Variants in EHMT1 observed in about 807,000 individuals in gnomAD.
EHMT1 encodes histone-lysine N-methyltransferase EHMT1.
In EHMT1, 15 loss-of-function variants were observed where a neutral mutation model predicts 147.2. The ratio of observed to expected loss-of-function variants is 0.10; its 90% CI spans 0.07 to 0.16. EHMT1 has a LOEUF of 0.16. EHMT1 is among the 10% of genes least tolerant of loss of function. The pLI, the probability that EHMT1 is intolerant of heterozygous loss-of-function variation, is 1.00. For synonymous variants in EHMT1, 795 were observed against 709.6 expected (o/e 1.12, Z -1.91); for missense variants, 1,587 against 1,772.4 (o/e 0.90, Z 1.88).
In EHMT1 at chr9:137,835,280, C is replaced by A; in HGVS notation, c.*327C>A. 4.0e-6 allele frequency: 1 copy of A among 248,800 alleles called. No homozygotes were observed. Among genetic ancestry groups the A allele is most frequent in the Non-Finnish European group, 7.5e-6 (1 of 132,482 alleles). The allele number at this position is 248,800 out of a possible 1,614,324, so 15.4% of individuals were successfully genotyped here. On this transcript the variant is annotated 3_prime_UTR_variant, in exon 27 of 27. Transcript: ENST00000460843. ...TTTGTCGTTGCGAAGTTTCTCGTTT[C>A]TTCCTCTGACCTCCGAGGTCCCCGC...
At chr9:137,677,514 C>T (rs962522444) in intron 1 of EHMT1, among the ~76,000 whole-genome samples, 1 of 151,990 alleles carries the variant, frequency 6.6e-6, no homozygotes, top group African/African-American at 2.4e-5. Flanking sequence ...CAAGCTCTGC[C>T]TCCCGGGTTC....
chr9:137,714,026 T>C (rs1271200865), intron 2 of EHMT1, among the ~76,000 whole-genome samples: 1 of 152,256 alleles, frequency 6.6e-6, no homozygotes, highest in East Asian at 1.9e-4. Flanking sequence ...AACTCGTTTA[T>C]TAGTTCTAAT....
chr9:137,817,922 C>A, intron 24 of EHMT1, 138 bp from the exon 25 acceptor site: 1 of 846,106 alleles, frequency 1.2e-6, no homozygotes. Context: ...ACCCTGGGCA[C>A]ACCTCTCTAA....
chr9:137,770,544 G>A (rs541032252), intron 10 of EHMT1, among the ~76,000 whole-genome samples: 2 of 152,338 alleles, frequency 1.3e-5, no homozygotes, highest in African/African-American at 4.8e-5. Context: ...CTGGGGGGAA[G>A]AAGGGGCTGC....
chr9:137,834,288 G>C, intron 25 of EHMT1, 61 bp from the exon 26 acceptor site: 1 of 1,601,808 alleles, frequency 6.2e-7, no homozygotes. Flanking sequence ...GGCCGTACCC[G>C]GCGAGGCCGG....
At chr9:137,781,084 T>C (rs1228139121) in intron 14 of EHMT1, among the ~76,000 whole-genome samples, 1,802 of 44,360 alleles carry the variant, frequency 0.041, 11 homozygotes, top group East Asian at 0.11. Flanking sequence ...TGTGTGGTGA[T>C]GACGCTGGGA....
At chr9:137,629,761 C>G (rs542102176) in intron 1 of EHMT1, among the ~76,000 whole-genome samples, 1 of 152,138 alleles carries the variant, frequency 6.6e-6, no homozygotes, top group Non-Finnish European at 1.5e-5. Flanking sequence ...AACTCCTGAC[C>G]TCAGGTGATC....
intron 1 of EHMT1, among the ~76,000 whole-genome samples, chr9:137,676,695 A>T (rs1191583223): frequency 6.6e-6 from 1 of 152,202 alleles, no homozygotes; most frequent in African/African-American, 2.4e-5. Flanking sequence ...TGGAGTCCGC[A>T]TGAGCAGTGG....
chr9:137,795,413 A>ACACACACACACACACACACACG (rs1554887432), intron 16 of EHMT1, among the ~76,000 whole-genome samples: 30 of 16,800 alleles, frequency 1.8e-3, no homozygotes, highest in Non-Finnish European at 3.1e-3. Context: ...ACACACACAC[A>ACACACACACACACACACACACG]CACACACACA....
chr9:137,619,995 C>T (rs557203742), intron 1 of EHMT1: 1 of 152,096 alleles, frequency 6.6e-6, no homozygotes, highest in Non-Finnish European at 1.5e-5. Flanking sequence ...ACTTCTAAAG[C>T]TTAGAAAGTT....
chr9:137,761,766 T>A (rs557308938), intron 9 of EHMT1, among the ~76,000 whole-genome samples: 26 of 152,250 alleles, frequency 1.7e-4, no homozygotes, highest in Non-Finnish European at 3.2e-4. Flanking sequence ...CAAGAGTTAA[T>A]TATTTTTAAT....
intron 1 of EHMT1, chr9:137,650,830 C>G (rs1250158672): frequency 6.6e-6 from 1 of 151,862 alleles, no homozygotes; most frequent in Non-Finnish European, 1.5e-5. Flanking sequence ...CCACACCTGG[C>G]TAATTTTTGT....
At chr9:137,718,253 G>C (rs974836548) in intron 3 of EHMT1, among the ~76,000 whole-genome samples, 1 of 152,258 alleles carries the variant, frequency 6.6e-6, no homozygotes, top group African/African-American at 2.4e-5. Flanking sequence ...TGCTGTGCTG[G>C]ACTGATCACC....
intron 1 of EHMT1, among the ~76,000 whole-genome samples, chr9:137,635,888 A>G (rs66620625): frequency 0.2 from 30,101 of 151,924 alleles, 3,154 homozygotes; most frequent in Admixed American, 0.29. Context: ...CAAGTATTTT[A>G]TTCTTTTTGA....
chr9:137,703,851 A>G (rs954089506), intron 1 of EHMT1, among the ~76,000 whole-genome samples: 1 of 152,062 alleles, frequency 6.6e-6, no homozygotes, highest in Admixed American at 6.6e-5. Context: ...CTCCAGTACC[A>G]ATTTTCTGTA....
At chr9:137,818,660 GCCGA>G (rs1955152593) in intron 25 of EHMT1, among the ~76,000 whole-genome samples, 1 of 33,180 alleles carries the variant, frequency 3.0e-5, no homozygotes, top group Non-Finnish European at 5.3e-5. Flanking sequence ...CCGTAGAGAG[GCCGA>G]CTGAGGGGCG....
intron 15 of EHMT1, chr9:137,784,571 G>A (rs1390531527): frequency 5.0e-6 from 2 of 402,966 alleles, no homozygotes; most frequent in Non-Finnish European, 6.8e-6. Context: ...CTCTCTGTTA[G>A]TTACAAACTT....
intron 1 of EHMT1, among the ~76,000 whole-genome samples, chr9:137,701,795 ATT>A (rs55956191): frequency 1.2e-3 from 122 of 101,094 alleles, no homozygotes; most frequent in Middle Eastern, 6.3e-3. Context: ...GCCTGGTTAA[ATT>A]TTTTTTTTTT....
At chr9:137,716,055 ATGG>A (rs1307092850) in intron 2 of EHMT1, among the ~76,000 whole-genome samples, 1 of 134,274 alleles carries the variant, frequency 7.4e-6, no homozygotes, top group African/African-American at 2.9e-5. Context: ...TGTTGGTGTC[ATGG>A]TGGGGGGAGG....
Sources: gnomAD v4.1 joint callset for allele counts (sites outside exome capture counted in the v4.1 genomes callset) on GRCh38, gnomAD v4.1.1 for gene constraint, MANE v1.5 for transcripts, NCBI Gene and HGNC (gene_info 2026-07-23, HGNC 2026-07-21) for gene names.